The following GMDS variants were observed in gnomAD, a reference collection of about 807,000 sequenced individuals.
The protein encoded by GMDS is GDP-mannose 4,6-dehydratase.
GMDS carries 20 observed loss-of-function variants against 49.9 expected under a neutral mutation model. The observed-to-expected ratio is 0.40, with a 90% CI of 0.28 to 0.58. The LOEUF (loss-of-function observed/expected upper bound fraction) is 0.58. GMDS is among the 20% of genes least tolerant of loss of function. GMDS has a pLI of 0.42. For synonymous variants in GMDS, 177 were observed against 178.6 expected, an observed-to-expected ratio of 0.99 and a Z score of 0.07; for missense variants, 362 against 481.4, an observed-to-expected ratio of 0.75 and a Z score of 2.32.
At chr6:1,951,370 T>C (rs1250765774) in intron 6 of GMDS, among the ~76,000 whole-genome samples, 2 of 152,246 alleles carry the variant, frequency 1.3e-5, no homozygotes, top group African/African-American at 4.8e-5. Flanking sequence ...GTCAGGTGAA[T>C]ACTGTGTTTA....
At chr6:1,720,779 A>C (rs1766356417) in intron 9 of GMDS, among the ~76,000 whole-genome samples, 2 of 152,112 alleles carry the variant, frequency 1.3e-5, no homozygotes, top group African/African-American at 4.8e-5. Context: ...GCAGGGGTGG[A>C]GGGGAGGATT....
chr6:1,938,637 G>A (rs572834786), intron 6 of GMDS, among the ~76,000 whole-genome samples: 17 of 152,078 alleles, frequency 1.1e-4, no homozygotes, highest in African/African-American at 3.9e-4. Flanking sequence ...TCACTCCAAT[G>A]TGTCTACGCA....
intron 1 of GMDS, among the ~76,000 whole-genome samples, chr6:2,185,914 G>A (rs183255991): frequency 6.6e-6 from 1 of 152,180 alleles, no homozygotes; most frequent in Admixed American, 6.5e-5. Flanking sequence ...CCAAAACTCT[G>A]CAGATTGTTA....
intron 6 of GMDS, among the ~76,000 whole-genome samples, chr6:1,932,264 C>G (rs1762321432): frequency 6.6e-6 from 1 of 152,178 alleles, no homozygotes; most frequent in African/African-American, 2.4e-5. Flanking sequence ...TCGCTGATAG[C>G]ACTGTGCTGA....
intron 7 of GMDS, among the ~76,000 whole-genome samples, chr6:1,817,445 T>C (rs778885887): frequency 6.6e-5 from 10 of 152,212 alleles, no homozygotes; most frequent in Non-Finnish European, 7.3e-5. Context: ...ACTGAAATGT[T>C]TGGAAAGAAA....
intron 1 of GMDS, among the ~76,000 whole-genome samples, chr6:2,127,181 G>A (rs917444278): frequency 2.0e-5 from 3 of 151,952 alleles, no homozygotes; most frequent in Admixed American, 6.6e-5. Context: ...TGTTATTATA[G>A]GATAATCAAT....
chr6:1,740,040 A>C lies in GMDS; in HGVS notation c.890+2428T>G, dbSNP rs1382295003. Among the ~76,000 whole-genome samples, 6 of 152,152 alleles carry C rather than the reference A, an allele frequency of 3.9e-5. No individual in the cohort carries two copies. The South Asian group carries it at 1.0e-3, about 26-fold the overall frequency. On this transcript the variant is annotated intron_variant, in intron 8 of 10. Transcript: ENST00000380815. ...ATAACAGGACACTCCTAATAATAAA[A>C]TGTCATGTTTGATTCCTACAGAGAA...
chr6:2,223,053 A>T (rs1780661952), intron 1 of GMDS, among the ~76,000 whole-genome samples: 1 of 152,012 alleles, frequency 6.6e-6, no homozygotes, highest in Admixed American at 6.6e-5. Flanking sequence ...CAGCCCTGCA[A>T]ATCTCAGACT....
chr6:1,831,047 C>G (rs1020810113), intron 7 of GMDS, among the ~76,000 whole-genome samples: 2 of 152,196 alleles, frequency 1.3e-5, no homozygotes, highest in African/African-American at 4.8e-5. Flanking sequence ...GATACAGGTT[C>G]AATATTCCCA....
chr6:1,909,405 C>T (rs1462864576), intron 7 of GMDS, among the ~76,000 whole-genome samples: 3 of 152,184 alleles, frequency 2.0e-5, no homozygotes, highest in Non-Finnish European at 4.4e-5. Flanking sequence ...AAAGTATAGA[C>T]TATGTTCTTT....
chr6:1,715,768 C>T (rs766794537), intron 9 of GMDS, among the ~76,000 whole-genome samples: 6 of 152,196 alleles, frequency 3.9e-5, no homozygotes, highest in Non-Finnish European at 8.8e-5. Flanking sequence ...ACTTATAATG[C>T]AAGCTAGTAG....
chr6:1,890,879 G>A (rs529152415), intron 7 of GMDS, among the ~76,000 whole-genome samples: 7 of 152,248 alleles, frequency 4.6e-5, no homozygotes, highest in African/African-American at 1.2e-4. Flanking sequence ...TACCCCAGCC[G>A]TGTCAATGTG....
chr6:2,030,278 G>T (rs1768872563), intron 4 of GMDS, among the ~76,000 whole-genome samples: 1 of 152,202 alleles, frequency 6.6e-6, no homozygotes, highest in Admixed American at 6.5e-5. Context: ...TGGGGGTGGT[G>T]CATGGGAACA....
chr6:1,745,628 C>T (rs1263632524), intron 7 of GMDS, among the ~76,000 whole-genome samples: 1 of 152,238 alleles, frequency 6.6e-6, no homozygotes, highest in African/African-American at 2.4e-5. Context: ...CTCTTTTCTT[C>T]TCCATCAGAC....
intron 4 of GMDS, among the ~76,000 whole-genome samples, chr6:2,080,003 T>C (rs1214694952): frequency 6.6e-6 from 1 of 152,166 alleles, no homozygotes; most frequent in East Asian, 1.9e-4. Flanking sequence ...TTCTTTTTTA[T>C]TCTTTTAACA....
In GMDS at chr6:2,210,342, G is replaced by A. The variant is rs1780007645; in HGVS notation, c.102+34979C>T. Among the ~76,000 whole-genome samples, 7 of 152,132 alleles carry A rather than the reference G, an allele frequency of 4.6e-5. 1 individual carries two copies. In the South Asian group the frequency reaches 1.4e-3, roughly 32 times the overall value. On this transcript the variant is annotated intron_variant, in intron 1 of 10. Transcript: ENST00000380815. ...GCACATAAAATACTTAGAACACTTA[G>A]CCTGGCAAATAGTAAGTGCTCAATA...
chr6:1,935,940 G>T (rs1318664982), intron 6 of GMDS, among the ~76,000 whole-genome samples: 1 of 152,168 alleles, frequency 6.6e-6, no homozygotes, highest in African/African-American at 2.4e-5. Context: ...CCCAGGTGAA[G>T]GGGGATCTCC....
chr6:1,818,118 G>A (rs986992362), intron 7 of GMDS, among the ~76,000 whole-genome samples: 34 of 152,222 alleles, frequency 2.2e-4, no homozygotes, highest in African/African-American at 7.5e-4. Context: ...AATGCATGAT[G>A]CATATTTATG....
intron 4 of GMDS, among the ~76,000 whole-genome samples, chr6:2,010,372 T>C (rs576981912): frequency 7.1e-6 from 1 of 140,422 alleles, no homozygotes; most frequent in East Asian, 2.1e-4. Context: ...ACATAGCACA[T>C]CAAAATCAAA....
Sources: gnomAD v4.1 joint callset for allele counts (sites outside exome capture counted in the v4.1 genomes callset) on GRCh38, gnomAD v4.1.1 for gene constraint, MANE v1.5 for transcripts, NCBI Gene and HGNC (gene_info 2026-07-23, HGNC 2026-07-21) for gene names.